The following OTOGL variants were observed in gnomAD, a reference collection of about 807,000 sequenced individuals.
OTOGL encodes the protein otogelin-like protein.
In OTOGL, 285 loss-of-function variants were observed where a neutral mutation model predicts 318.5. That is an observed-to-expected ratio of 0.89 (90% CI 0.81 to 0.99). The LOEUF is 0.99. Ranked by LOEUF, OTOGL falls within the 50% of genes least tolerant of loss-of-function variation. OTOGL has a pLI of 0.00. For missense variants in OTOGL, 2,899 were observed against 2,845.6 expected (o/e 1.02, Z -0.43); for synonymous variants, 987 against 936.5 (o/e 1.05, Z -0.99).
At chr12:80,343,509 G>GTTTTTTTTTTT (rs58046272) in intron 44 of OTOGL, 1 of 35,868 alleles carries the variant, frequency 2.8e-5, no homozygotes, top group African/African-American at 1.1e-4. Context: ...TTTTATTCTT[G>GTTTTTTTTTTT]TTTTTTTTTT....
At chr12:80,362,185 A>G (rs12827098) in intron 52 of OTOGL, among the ~76,000 whole-genome samples, 19,106 of 152,120 alleles carry the variant, frequency 0.13, 2,742 homozygotes, top group African/African-American at 0.35. Context: ...GTCTAATATA[A>G]TTTGTCTGCA....
At chr12:80,138,565 A>T (rs1182889866) in intron 1 of OTOGL, among the ~76,000 whole-genome samples, 1 of 152,146 alleles carries the variant, frequency 6.6e-6, no homozygotes, top group Non-Finnish European at 1.5e-5. Flanking sequence ...AAGACTAGTT[A>T]TGAGAGCTTT....
rs1398155670 is a variant in OTOGL at position 80,305,621 on chromosome 12, A to T, written c.3259A>T (p.Asn1087Tyr). 1 of 1,579,800 alleles carries T rather than the reference A, an allele frequency of 6.3e-7. No individual in the cohort carries two copies. The highest frequency in any genetic ancestry group is 8.5e-7 in the Non-Finnish European group (1 of 1,172,724). ...TGGAAACTTTGACAAATGCACTTCA[A>T]ATGATATGACCACATCTAATAACTT... ...LCGNFDKCTSNDMTTSNNLEV... is the reference protein window; with the variant it reads ...LCGNFDKCTSYDMTTSNNLEV... Residue 1087 changes from asparagine to tyrosine, a missense_variant, in exon 29 of 59, where the codon AAT (asparagine) becomes TAT (tyrosine). Asn to Tyr is a moderately radical substitution (Grantham distance 143). This residue lies in a region of OTOGL where 2,607 missense variants were observed against 2,524.9 expected (regional missense o/e 1.03). Transcript: ENST00000547103.
At chr12:80,307,735 G>A (rs1178260487) in intron 29 of OTOGL, among the ~76,000 whole-genome samples, 21 of 145,498 alleles carry the variant, frequency 1.4e-4, no homozygotes, top group Middle Eastern at 4.3e-3. Context: ...CTGGCCGAGC[G>A]GGGGGCAGAC....
In OTOGL at chr12:80,148,392, T is replaced by C. The variant is rs1327614113; in HGVS notation, c.-20+48787T>C. Among the ~76,000 whole-genome samples the C allele has an allele frequency of 2.7e-5, 4 of 150,298 alleles. No homozygotes were observed. In the East Asian group the frequency reaches 7.8e-4, roughly 29 times the overall value. On this transcript the variant is annotated intron_variant, in intron 1 of 58. Coordinates refer to ENST00000547103, the MANE Select transcript of OTOGL (RefSeq NM_001378609.3). Reference sequence around the variant, plus strand: ...TGTTGAATATTGGCCCCCACTCTCTTCTGGCTTGTAGGGTTTCTGCCGAGA... The same window carrying C: ...TGTTGAATATTGGCCCCCACTCTCTCCTGGCTTGTAGGGTTTCTGCCGAGA...
intron 3 of OTOGL, 82 bp downstream of exon 3, chr12:80,210,968 T>C (rs945332049): frequency 6.5e-6 from 6 of 926,748 alleles, no homozygotes; most frequent in Non-Finnish European, 8.8e-6. Context: ...CTATATCTGC[T>C]TTTGAAAAAA....
intron 1 of OTOGL, among the ~76,000 whole-genome samples, chr12:80,150,107 C>CA (rs1469934875): frequency 6.6e-6 from 1 of 151,990 alleles, no homozygotes; most frequent in Non-Finnish European, 1.5e-5. Context: ...TGGTGCAAAC[C>CA]AAAAAAATGA....
At position 80,229,341 on chromosome 12, in the gene OTOGL, C is replaced by T. The variant is rs397514588; in HGVS notation, c.574C>T (p.Arg192Ter). The change falls in exon 8 of 59, where the codon CGA (arginine) becomes TGA (stop). Residue 192 changes from arginine to a stop codon, truncating the protein, a stop_gained. Transcript: ENST00000547103. LOFTEE classifies it high-confidence loss of function. Reference sequence around the variant, plus strand: ...GTTCTTTTCAAACCAAGAGGAAATTCGAATTTATGGTCATGAAATAAAAAA... The same window carrying T: ...GTTCTTTTCAAACCAAGAGGAAATTTGAATTTATGGTCATGAAATAAAAAA... ...SLFFSNQEEIRIYGHEIKKNG... is the reference protein window; with the variant it reads ...SLFFSNQEEI 9.3e-5 allele frequency: 149 copies of T among 1,595,784 alleles called. No individual in the cohort carries two copies. The highest frequency in any genetic ancestry group is 1.1e-4 in the Non-Finnish European group (135 of 1,176,752).
intron 32 of OTOGL, among the ~76,000 whole-genome samples, chr12:80,316,675 C>T (rs759441551): frequency 1.3e-5 from 2 of 152,050 alleles, no homozygotes; most frequent in African/African-American, 2.4e-5. Context: ...AATGGAGAAA[C>T]GCATCAATGT....
intron 9 of OTOGL, among the ~76,000 whole-genome samples, chr12:80,233,847 A>G (rs1370391683): frequency 2.0e-5 from 3 of 152,208 alleles, no homozygotes; most frequent in African/African-American, 4.8e-5. Flanking sequence ...TAATTTGAGG[A>G]AACTCATTTA....
At chr12:80,257,577 A>T (rs1006731100) in intron 17 of OTOGL, among the ~76,000 whole-genome samples, 1 of 152,046 alleles carries the variant, frequency 6.6e-6, no homozygotes, top group African/African-American at 2.4e-5. Context: ...GAAAGTATGT[A>T]TTGACCTGAA....
intron 1 of OTOGL, among the ~76,000 whole-genome samples, chr12:80,126,078 C>T (rs1870815619): frequency 6.6e-6 from 1 of 152,130 alleles, no homozygotes; most frequent in Non-Finnish European, 1.5e-5. Flanking sequence ...TTGCCTTCTG[C>T]TAGCTTTTGA....
chr12:80,292,280 G>A (rs944919849), intron 26 of OTOGL, among the ~76,000 whole-genome samples: 2 of 152,156 alleles, frequency 1.3e-5, no homozygotes, highest in Admixed American at 6.5e-5. Context: ...GAGCCACTAC[G>A]CCCAGCAGAA....
At chr12:80,198,584 A>AAATAATAATAATAATAATAATAAT (rs201298326) in intron 1 of OTOGL, among the ~76,000 whole-genome samples, 4 of 151,496 alleles carry the variant, frequency 2.6e-5, no homozygotes, top group Admixed American at 6.6e-5. Flanking sequence ...CTCCATCTCC[A>AAATAATAATAATAATAATAATAAT]AATAATAATA....
intron 1 of OTOGL, among the ~76,000 whole-genome samples, chr12:80,100,030 A>G (rs1223785126): frequency 6.6e-6 from 1 of 152,196 alleles, no homozygotes; most frequent in African/African-American, 2.4e-5. Context: ...TCAATTACAC[A>G]CATGGCTCCT....
chr12:80,204,885 T>C (rs1876705236), intron 1 of OTOGL, among the ~76,000 whole-genome samples: 1 of 152,116 alleles, frequency 6.6e-6, no homozygotes, highest in African/African-American at 2.4e-5. Flanking sequence ...TTGGCAGAAG[T>C]TGGTACAAAA....
chr12:80,248,960 C>T (rs1228847438), intron 11 of OTOGL, among the ~76,000 whole-genome samples: 1 of 147,936 alleles, frequency 6.8e-6, no homozygotes. Flanking sequence ...ATCGCATCGG[C>T]TCCTGAGGCT....
chr12:80,140,150 G>A (rs574682471), intron 1 of OTOGL, among the ~76,000 whole-genome samples: 5 of 151,972 alleles, frequency 3.3e-5, no homozygotes, highest in African/African-American at 1.2e-4. Context: ...ATGACATTTC[G>A]AGTCTACCTC....
chr12:80,349,267 G>T (rs1179406766), intron 44 of OTOGL, among the ~76,000 whole-genome samples: 1 of 152,062 alleles, frequency 6.6e-6, no homozygotes, highest in African/African-American at 2.4e-5. Context: ...TTTATGATGT[G>T]CCAGGTTTTT....
Sources: allele counts gnomAD v4.1 joint callset (sites outside exome capture counted in the v4.1 genomes callset), GRCh38; gene constraint gnomAD v4.1.1; regional missense constraint gnomAD v4.1.1; transcripts MANE v1.5; gene names NCBI Gene and HGNC (gene_info 2026-07-23, HGNC 2026-07-21).